IGSF1: variants seen among roughly 807,000 people sequenced by gnomAD.
IGSF1 encodes the protein immunoglobulin-like domain-containing protein 1.
In IGSF1, 40 loss-of-function variants were observed where a neutral mutation model predicts 95.3. The ratio of observed to expected loss-of-function variants is 0.42; its 90% CI spans 0.33 to 0.55. The LOEUF is 0.55. Ranked by LOEUF, IGSF1 falls within the 20% of genes least tolerant of loss-of-function variation. The pLI is 0.10. For missense variants in IGSF1, 906 were observed against 1,025.4 expected (o/e 0.88, Z 1.59); for synonymous variants, 372 against 382.9 (o/e 0.97, Z 0.33).
intron 5 of IGSF1, among the ~76,000 whole-genome samples, chrX:131,283,780 T>G (rs752414376): frequency 4.5e-4 from 50 of 112,176 alleles, no homozygotes; most frequent in African/African-American, 1.6e-3. Context: ...CACACATTCC[T>G]TTCCATGAAT....
chrX:131,282,262 C>T (rs2080572316), intron 7 of IGSF1, among the ~76,000 whole-genome samples, 182 bp downstream of exon 7: 2 of 110,613 alleles, frequency 1.8e-5, no homozygotes, highest in African/African-American at 6.6e-5. Context: ...TCCTGGGAGA[C>T]AAGGTCCCTA....
chrX:131,274,548 C>G (rs1365857253), intron 18 of IGSF1, 51 bp downstream of exon 18: 1 of 1,154,614 alleles, frequency 8.7e-7, no homozygotes, highest in South Asian at 2.0e-5. Context: ...GGGACTGTCC[C>G]TGGGATCCCA....
At chrX:131,283,577 C>T (rs2080592719) in intron 5 of IGSF1, among the ~76,000 whole-genome samples, 1 of 111,899 alleles carries the variant, frequency 8.9e-6, no homozygotes, top group Admixed American at 9.4e-5. Context: ...CTTTCAACCA[C>T]CAGAAAAACC....
intron 10 of IGSF1, 47 bp from the exon 11 acceptor site, chrX:131,279,222 A>G (rs750545332): frequency 8.3e-7 from 1 of 1,209,439 alleles, no homozygotes; most frequent in East Asian, 3.0e-5. Flanking sequence ...CCCCACCGGG[A>G]CTTCACCCCG....
intron 8 of IGSF1, 63 bp from the exon 9 acceptor site, chrX:131,281,401 A>G: frequency 8.6e-7 from 1 of 1,166,486 alleles, no homozygotes; most frequent in South Asian, 1.8e-5. Context: ...GAATACATTC[A>G]TGGGGTGAGG....
At position 131,285,918 on chromosome X, in the gene IGSF1, C is replaced by T; in HGVS notation, c.228G>A (p.Gln76=). The change falls in exon 4 of 20, where the codon CAG becomes CAA. Residue 76 remains glutamine (Q), a synonymous_variant. Coordinates refer to ENST00000361420, the MANE Select transcript of IGSF1 (RefSeq NM_001555.5). ...SKFLLLKDKT[Q]MTWIRPSHKT... Reference sequence around the variant, plus strand: ...TGTGGGAAGGGCGGATCCAGGTCATCTGTGTCTTATCCTTCAGCAGCAGGA... The same window carrying T: ...TGTGGGAAGGGCGGATCCAGGTCATTTGTGTCTTATCCTTCAGCAGCAGGA... 8.3e-7 allele frequency: 1 copy of T among 1,211,720 alleles called. No individual in the cohort carries two copies. The highest frequency in any genetic ancestry group is 1.1e-6 in the Non-Finnish European group (1 of 895,491).
chrX:131,277,616 A>C, intron 13 of IGSF1: 1 of 392,298 alleles, frequency 2.5e-6, no homozygotes, highest in East Asian at 3.9e-5. Flanking sequence ...TGATGTGAAA[A>C]TAATTAGAAA....
chrX:131,279,493 T>A (rs1415060251), intron 9 of IGSF1, 152 bp from the exon 10 acceptor site: 10 of 488,906 alleles, frequency 2.0e-5, no homozygotes, highest in Non-Finnish European at 2.8e-5. Context: ...TTGACATCAA[T>A]GACTTTTCTT....
At position 131,277,132 on chromosome X, in the gene IGSF1, A is replaced by G. The variant is rs1370911736; in HGVS notation, c.2415T>C (p.His805=). 1 of 1,211,124 alleles carries G rather than the reference A, an allele frequency of 8.3e-7. No homozygotes were observed. The highest frequency in any genetic ancestry group is 2.2e-5 in the Admixed American group (1 of 46,053). ...VTFNCSTPHQ[H]MSFILYKDGS... ...CATCTTTGTAAAGAATAAAGCTCAT[A>G]TGCTGGTGGGGGGTGGAGCAATTGA... Residue 805 remains histidine, a synonymous_variant, in exon 14 of 20, where the codon CAT becomes CAC. Coordinates refer to ENST00000361420, the MANE Select transcript of IGSF1 (RefSeq NM_001555.5).
At chrX:131,287,829 C>T (rs1281058445) in intron 1 of IGSF1, among the ~76,000 whole-genome samples, 1 of 111,728 alleles carries the variant, frequency 9.0e-6, no homozygotes, top group African/African-American at 3.3e-5. Flanking sequence ...CCCAGCCACG[C>T]AAACTCAAGC....
rs144472463 is a variant in IGSF1 at position 131,278,028 on chromosome X, C to T, written c.2148G>A (p.Lys716=). 5.2e-4 allele frequency: 632 copies of T among 1,209,115 alleles called. 4 individuals are homozygous for T. The African/African-American group carries it at 0.01, about 19-fold the overall frequency. Residue 716 remains lysine (K), a synonymous_variant, in exon 13 of 20, where the codon AAG becomes AAA. Transcript: ENST00000361420. Reference sequence around the variant, plus strand: ...GCTGGACAGGTTCTTGCTCTCCCTCCTTATACAGAGCAAACCCCATGCCTG... The same window carrying T: ...GCTGGACAGGTTCTTGCTCTCCCTCTTTATACAGAGCAAACCCCATGCCTG... ...WLAGMGFALY[K]EGEQEPVQQL... is the part of the protein sequence containing the mutation.
chrX:131,279,562 G>A (rs1313098185), intron 9 of IGSF1, among the ~76,000 whole-genome samples: 1 of 81,552 alleles, frequency 1.2e-5, no homozygotes, highest in Admixed American at 1.3e-4. Context: ...TGTCCCCCCC[G>A]CCCCCTCCCC....
intron 15 of IGSF1, 73 bp downstream of exon 15, chrX:131,275,888 C>T (rs761234734): frequency 1.7e-6 from 2 of 1,162,544 alleles, no homozygotes; most frequent in Admixed American, 4.7e-5. Context: ...GCCTAGCCTT[C>T]CAGGAGGAAT....
intron 9 of IGSF1, 45 bp from the exon 10 acceptor site, chrX:131,279,386 G>A (rs780999327): frequency 8.1e-6 from 9 of 1,111,629 alleles, no homozygotes; most frequent in African/African-American, 7.2e-5. Context: ...TGGGATGAGG[G>A]GGAGGGTGGA....
chrX:131,286,551 T>C (rs986682967), intron 2 of IGSF1, 54 bp downstream of exon 2: 4 of 1,158,501 alleles, frequency 3.5e-6, no homozygotes, highest in Admixed American at 4.4e-5. Context: ...CCACCCCTAA[T>C]GAGTGGGTAC....
At chrX:131,286,245 A>C (rs372537079) in intron 3 of IGSF1, among the ~76,000 whole-genome samples, 192 bp downstream of exon 3, 3 of 111,229 alleles carry the variant, frequency 2.7e-5, no homozygotes, top group Admixed American at 9.5e-5. Context: ...GAATTGGAGA[A>C]TAAAGTCTGA....
Position 131,276,208 on chromosome X carries a change from A to G in IGSF1, c.2649T>C (p.Pro883=). The stretch of plus-strand genomic sequence containing the variant: ...TCACACTCTTCCCAGGAAACACCAC[A>G]GGACCTGGCTGTGCCAGGAGAGTGG... ...PKPTLLAQPG[P]VVFPGKSVIL... The change falls in exon 15 of 20, where the codon CCT becomes CCC. Residue 883 remains proline (P), a synonymous_variant. Coordinates refer to ENST00000361420, the MANE Select transcript of IGSF1 (RefSeq NM_001555.5). The G allele has an allele frequency of 8.3e-7, 1 of 1,209,401 alleles. No homozygotes were observed.
In IGSF1 at chrX:131,285,473, G is replaced by T. The variant is rs764219085; in HGVS notation, c.380-7C>A. On this transcript the variant is annotated splice_polypyrimidine_tract_variant and splice_region_variant and intron_variant, in intron 4 of 19. Coordinates refer to ENST00000361420, the MANE Select transcript of IGSF1 (RefSeq NM_001555.5). The stretch of plus-strand genomic sequence containing the variant: ...ATGGGCTTGGGCAGTTGGCCTGGAA[G>T]GATAGAATGAACTGGAATTAGGTAA... The T allele has an allele frequency of 2.5e-6, 3 of 1,199,972 alleles. No homozygotes were observed. Among genetic ancestry groups the T allele is most frequent in the Non-Finnish European group, 3.4e-6 (3 of 889,601 alleles).
intron 9 of IGSF1, 41 bp from the exon 10 acceptor site, chrX:131,279,382 G>C (rs1431802981): frequency 9.0e-7 from 1 of 1,114,662 alleles, no homozygotes; most frequent in East Asian, 3.0e-5. Context: ...TTGCTGGGAT[G>C]AGGGGGAGGG....
Sources: gnomAD v4.1 joint callset for allele counts (sites outside exome capture counted in the v4.1 genomes callset) on GRCh38, gnomAD v4.1.1 for gene constraint, MANE v1.5 for transcripts, NCBI Gene and HGNC (gene_info 2026-07-23, HGNC 2026-07-21) for gene names.